The following MPP4 variants were observed in gnomAD, a reference collection of about 807,000 sequenced individuals.
The protein encoded by MPP4 is MAGUK p55 subfamily member 4.
MPP4 carries 91 observed loss-of-function variants against 98.3 expected under a neutral mutation model. The observed-to-expected ratio is 0.93, with a 90% confidence interval of 0.78 to 1.10. The LOEUF (loss-of-function observed/expected upper bound fraction) is 1.10. MPP4 is among the 50% of genes least tolerant of loss of function. The pLI is 0.00. For missense variants in MPP4, 744 were observed against 792.9 expected (o/e 0.94, Z 0.74); for synonymous variants, 261 against 271.8 (o/e 0.96, Z 0.39).
intron 18 of MPP4, chr2:201,651,737 T>A: frequency 6.7e-6 from 5 of 740,870 alleles, no homozygotes; most frequent in Non-Finnish European, 8.2e-6. Context: ...GTGGATCACC[T>A]GGGGTCAGGA....
rs1037625510 is a variant in MPP4 at position 201,684,977 on chromosome 2, A to G, written c.574+87T>C. The G allele has an allele frequency of 3.4e-5, 40 of 1,169,892 alleles. No homozygotes were observed. The African/African-American group carries it at 5.1e-4, about 15-fold the overall frequency. 72.5% of individuals were successfully genotyped at this position (1,169,892 alleles called of 1,614,324 possible). A position where few individuals can be genotyped will look rare whatever the true frequency, so the allele number is the denominator to read the frequency against. Reference sequence around the variant, plus strand: ...AAAAAAAAAGAAAAAAAAAAAGAAAAAAAAGGGATTTCTCTAGAAAGAAGC... The same window carrying G: ...AAAAAAAAAGAAAAAAAAAAAGAAAGAAAAGGGATTTCTCTAGAAAGAAGC... On this transcript the variant is annotated intron_variant, in intron 7 of 21. Transcript: ENST00000409474.
intron 11 of MPP4, among the ~76,000 whole-genome samples, chr2:201,674,865 G>C (rs1688456484): frequency 6.6e-6 from 1 of 151,898 alleles, no homozygotes; most frequent in Admixed American, 6.6e-5. Flanking sequence ...TTTTTTGCAT[G>C]TCTGACACCT....
intron 5 of MPP4, 62 bp from the exon 6 acceptor site, chr2:201,686,112 T>C (rs968810081): frequency 1.3e-6 from 2 of 1,580,792 alleles, no homozygotes; most frequent in African/African-American, 1.4e-5. Context: ...CTCTAGAAGA[T>C]AGTAACTCAA....
At chr2:201,670,557 C>T (rs1489096563) in intron 11 of MPP4, among the ~76,000 whole-genome samples, 1 of 151,966 alleles carries the variant, frequency 6.6e-6, no homozygotes, top group Non-Finnish European at 1.5e-5. Context: ...ATCACACAGG[C>T]CACATAAGCA....
At position 201,682,703 on chromosome 2, in the gene MPP4, G is replaced by A. The variant is rs373051322; in HGVS notation, c.660+128C>T. ...GTGACAGACAAGGTCTGGGAGCCTG[G>A]AGGGAGAAAGCTGCCAAGAGAACTT... On this transcript the variant is annotated intron_variant, in intron 8 of 21. Coordinates refer to ENST00000409474, the MANE Select transcript of MPP4 (RefSeq NM_033066.3). 148 of 713,666 alleles carry A rather than the reference G, an allele frequency of 2.1e-4. No individual in the cohort carries two copies. The East Asian group carries it at 3.8e-3, about 18-fold the overall frequency. 44.2% of individuals were successfully genotyped at this position (713,666 alleles called of 1,614,324 possible).
At chr2:201,650,001 TA>T in intron 19 of MPP4, 70 bp downstream of exon 19, 1 of 1,420,000 alleles carries the variant, frequency 7.0e-7, no homozygotes, top group Non-Finnish European at 9.5e-7. Flanking sequence ...GGAAAATACA[TA>T]AAAATAGGGA....
intron 5 of MPP4, among the ~76,000 whole-genome samples, chr2:201,687,058 T>C (rs183839949): frequency 4.9e-4 from 75 of 152,314 alleles, no homozygotes; most frequent in Non-Finnish European, 9.0e-4. Flanking sequence ...CAAAGCACCA[T>C]GGAAAGTTCT....
In MPP4 at chr2:201,693,912, C is replaced by T. The variant is rs781719251; in HGVS notation, c.43G>A (p.Asp15Asn). ...DKGADPPDKK[D>N]MKLSTATNPQ... ...TTGGTGGCTGTAGAAAGCTTCATGT[C>T]CTTCTTGTCTGGTGGATCTGCTCCT... Residue 15 changes from aspartate to asparagine, a missense_variant, in exon 2 of 22, where the codon GAC (aspartate) becomes AAC (asparagine). Physicochemically the swap from Asp to Asn is conservative, Grantham distance 23 (BLOSUM62 1). Coordinates refer to ENST00000409474, the MANE Select transcript of MPP4 (RefSeq NM_033066.3). 6 of 1,613,952 alleles carry T rather than the reference C, an allele frequency of 3.7e-6. No homozygotes were observed. The highest frequency in any genetic ancestry group is 5.1e-6 in the Non-Finnish European group (6 of 1,179,860).
chr2:201,686,181 C>G (rs547798054), intron 5 of MPP4, 131 bp from the exon 6 acceptor site: 19 of 1,051,284 alleles, frequency 1.8e-5, no homozygotes, highest in African/African-American at 3.2e-5. Flanking sequence ...AGACACAGTG[C>G]GAAGCATTTT....
chr2:201,651,656 G>A (rs975803344), intron 18 of MPP4: 39 of 984,910 alleles, frequency 4.0e-5, no homozygotes, highest in Non-Finnish European at 4.6e-5. Flanking sequence ...TCAGACTATC[G>A]AAAAATGGTG....
chr2:201,687,073 G>A (rs1198610700), intron 5 of MPP4, among the ~76,000 whole-genome samples: 2 of 152,192 alleles, frequency 1.3e-5, no homozygotes, highest in African/African-American at 2.4e-5. Context: ...AGTTCTGGAT[G>A]CCTCCTCATA....
chr2:201,672,973 A>G (rs1357495802), intron 11 of MPP4, among the ~76,000 whole-genome samples: 1 of 152,230 alleles, frequency 6.6e-6, no homozygotes, highest in East Asian at 1.9e-4. Context: ...CCTCAATAAA[A>G]TACTGGCAAA....
At chr2:201,664,680 G>T (rs887241146) in intron 13 of MPP4, among the ~76,000 whole-genome samples, 1 of 152,178 alleles carries the variant, frequency 6.6e-6, no homozygotes, top group Non-Finnish European at 1.5e-5. Context: ...TACATGGAGG[G>T]TAATTTGAAA....
At chr2:201,696,897 C>T (rs1689202058) in intron 1 of MPP4, among the ~76,000 whole-genome samples, 3 of 152,188 alleles carry the variant, frequency 2.0e-5, no homozygotes, top group African/African-American at 7.2e-5. Context: ...CTGTGCTTGG[C>T]TCCTCATCTT....
intron 14 of MPP4, chr2:201,661,662 C>A: frequency 2.2e-6 from 1 of 454,360 alleles, no homozygotes; most frequent in South Asian, 1.6e-5. Context: ...GTGTACCAGG[C>A]ACTGTTCTAA....
At chr2:201,663,125 G>C (rs538271507) in intron 14 of MPP4, among the ~76,000 whole-genome samples, 1 of 152,218 alleles carries the variant, frequency 6.6e-6, no homozygotes, top group Non-Finnish European at 1.5e-5. Context: ...CATTCTGTTT[G>C]AATGTCTCTC....
intron 3 of MPP4, among the ~76,000 whole-genome samples, chr2:201,691,628 G>A (rs912781266): frequency 5.3e-5 from 8 of 151,996 alleles, no homozygotes; most frequent in East Asian, 3.9e-4. Flanking sequence ...AGCAATTCTC[G>A]TGCCTCAGCC....
Position 201,692,902 on chromosome 2 carries a change from A to G in MPP4, c.201+6T>C, listed in dbSNP as rs751614753. On this transcript the variant is annotated splice_donor_region_variant and intron_variant, in intron 3 of 21. Coordinates refer to ENST00000409474, the MANE Select transcript of MPP4 (RefSeq NM_033066.3). ...AGCAAAGGCTTCCGAGCAAAGAAGC[A>G]CTCACCTTTAGCAGAGCCTGAAGCC... 5 of 1,605,590 alleles carry G rather than the reference A, an allele frequency of 3.1e-6. No homozygotes were observed. In the South Asian group the frequency reaches 5.6e-5, roughly 18 times the overall value.
At chr2:201,695,138 C>G (rs1689142668) in intron 1 of MPP4, among the ~76,000 whole-genome samples, 1 of 152,078 alleles carries the variant, frequency 6.6e-6, no homozygotes, top group South Asian at 2.1e-4. Flanking sequence ...TCCACGAAGT[C>G]CTCAGGGAAT....
Sources: gnomAD v4.1 joint callset for allele counts (sites outside exome capture counted in the v4.1 genomes callset) on GRCh38, gnomAD v4.1.1 for gene constraint, MANE v1.5 for transcripts, NCBI Gene and HGNC (gene_info 2026-07-23, HGNC 2026-07-21) for gene names.